FANCB: variants seen among roughly 807,000 people sequenced by gnomAD.
The protein encoded by FANCB is FA complementation group B.
FANCB carries 5 observed loss-of-function variants against 38.9 expected under a neutral mutation model. The observed-to-expected ratio is 0.13, with a 90% CI of 0.07 to 0.27. The LOEUF (loss-of-function observed/expected upper bound fraction) is 0.27, where lower values mean the gene tolerates loss of function less well. FANCB is among the 10% of genes least tolerant of loss of function. FANCB has a pLI of 1.00. For missense variants in FANCB, 573 were observed against 602.7 expected (o/e 0.95, Z 0.52); for synonymous variants, 236 against 215.4 (o/e 1.10, Z -0.84).
At chrX:14,809,963 C>T in the FANCB span, among the ~76,000 whole-genome samples, 13 of 111,749 alleles carry the variant, frequency 1.2e-4, no homozygotes, top group Non-Finnish European at 2.3e-4. Context: ...CTCACACGGC[C>T]GGGTACCCCT....
At chrX:14,710,128 C>T in the FANCB span, among the ~76,000 whole-genome samples, 1 of 111,744 alleles carries the variant, frequency 8.9e-6, no homozygotes, top group Admixed American at 9.5e-5. Context: ...CCTGTCTCTT[C>T]TAAGTTGGCA....
chrX:14,833,937 G>A (rs1402613467), downstream of FANCB, among the ~76,000 whole-genome samples: 1 of 111,562 alleles, frequency 9.0e-6, no homozygotes, highest in Non-Finnish European at 1.9e-5. Flanking sequence ...AGAGGCTGCA[G>A]TGAGCTGAGA....
At chrX:14,793,163 T>A in the FANCB span, among the ~76,000 whole-genome samples, 18 of 112,398 alleles carry the variant, frequency 1.6e-4, no homozygotes, top group Non-Finnish European at 3.4e-4. Flanking sequence ...AATTTCTCAC[T>A]GATATGTAAA....
At chrX:14,713,628 G>C in the FANCB span, among the ~76,000 whole-genome samples, 1 of 111,641 alleles carries the variant, frequency 9.0e-6, no homozygotes, top group African/African-American at 3.3e-5. Flanking sequence ...ATCCAAAGAA[G>C]AGTGAAAAAT....
At chrX:14,855,894 G>A (rs2092421393) in intron 5 of FANCB, among the ~76,000 whole-genome samples, 1 of 111,911 alleles carries the variant, frequency 8.9e-6, no homozygotes, top group African/African-American at 3.2e-5. Context: ...CTGGGTTCCA[G>A]CCTTGAAAGT....
chrX:14,796,553 A>G, the FANCB span, among the ~76,000 whole-genome samples: 25 of 99,440 alleles, frequency 2.5e-4, no homozygotes, highest in African/African-American at 8.4e-4. Context: ...ATATATAATA[A>G]ATTATATGTT....
At chrX:14,737,654 A>G in the FANCB span, among the ~76,000 whole-genome samples, 1 of 112,314 alleles carries the variant, frequency 8.9e-6, no homozygotes, top group Non-Finnish European at 1.9e-5. Context: ...CATGGTGTCT[A>G]ACACATATTA....
chrX:14,826,181 A>G, the FANCB span, among the ~76,000 whole-genome samples: 1 of 111,866 alleles, frequency 8.9e-6, no homozygotes, highest in East Asian at 2.8e-4. Flanking sequence ...CAGAACTATG[A>G]AAATATTCCA....
chrX:14,812,530 C>T, the FANCB span, among the ~76,000 whole-genome samples: 4 of 111,603 alleles, frequency 3.6e-5, no homozygotes, highest in Non-Finnish European at 5.7e-5. Flanking sequence ...GAGAATACTA[C>T]AAACACCTCT....
At chrX:14,809,520 G>A in the FANCB span, among the ~76,000 whole-genome samples, 1 of 111,774 alleles carries the variant, frequency 8.9e-6, no homozygotes, top group Non-Finnish European at 1.9e-5. Flanking sequence ...GGCGCACCAG[G>A]AGATTATATC....
At chrX:14,740,386 T>G in the FANCB span, among the ~76,000 whole-genome samples, 1 of 111,379 alleles carries the variant, frequency 9.0e-6, no homozygotes. Flanking sequence ...TCTCCCATCA[T>G]GCTCGGCCAT....
chrX:14,851,014 G>C (rs1177496776), intron 6 of FANCB, among the ~76,000 whole-genome samples: 1 of 111,077 alleles, frequency 9.0e-6, no homozygotes, highest in Non-Finnish European at 1.9e-5. Flanking sequence ...AATCCAGTCT[G>C]TATTTTATCA....
At chrX:14,811,476 A>G in the FANCB span, among the ~76,000 whole-genome samples, 1 of 111,108 alleles carries the variant, frequency 9.0e-6, no homozygotes, top group East Asian at 2.8e-4. Flanking sequence ...AGGAAGATCT[A>G]CCAAGCCAAT....
the FANCB span, among the ~76,000 whole-genome samples, chrX:14,783,423 C>A: frequency 8.9e-6 from 1 of 112,185 alleles, no homozygotes; most frequent in Non-Finnish European, 1.9e-5. Flanking sequence ...TCTGGGCCTG[C>A]AGAGCAGTTC....
chrX:14,724,626 C>CAAAAAAAAAAA, the FANCB span, among the ~76,000 whole-genome samples: 185 of 49,565 alleles, frequency 3.7e-3, 6 homozygotes, highest in East Asian at 0.012. Flanking sequence ...AACTCTGTCT[C>CAAAAAAAAAAA]AAAAAAAAAA....
At chrX:14,794,918 T>C in the FANCB span, among the ~76,000 whole-genome samples, 1 of 112,621 alleles carries the variant, frequency 8.9e-6, no homozygotes, top group African/African-American at 3.2e-5. Context: ...TAGTGATGCT[T>C]TCACCTGACA....
chrX:14,857,167 A>G (rs1307672977), intron 5 of FANCB, among the ~76,000 whole-genome samples: 5 of 112,411 alleles, frequency 4.4e-5, no homozygotes, highest in Non-Finnish European at 9.4e-5. Context: ...TATTGGGGAT[A>G]CAGAGATAAT....
At chrX:14,731,374 GC>G in the FANCB span, 1 of 110,870 alleles carries the variant, frequency 9.0e-6, no homozygotes, top group Non-Finnish European at 1.9e-5. Context: ...GACTTTAATC[GC>G]CCAACTGTGA....
At chrX:14,790,713 C>G in the FANCB span, among the ~76,000 whole-genome samples, 25 of 111,581 alleles carry the variant, frequency 2.2e-4, no homozygotes, top group African/African-American at 8.1e-4. Flanking sequence ...TGCTGAAAAA[C>G]AAAGGCAGAC....
Sources: gnomAD v4.1 joint callset for allele counts (sites outside exome capture counted in the v4.1 genomes callset) on GRCh38, gnomAD v4.1.1 for gene constraint, MANE v1.5 for transcripts, NCBI Gene and HGNC (gene_info 2026-07-23, HGNC 2026-07-21) for gene names.